TNK1: variants seen among roughly 807,000 people sequenced by gnomAD.
TNK1 encodes the protein tyrosine kinase non receptor 1.
A neutral mutation model predicts 65.2 loss-of-function variants in TNK1; 53 were observed. The ratio of observed to expected loss-of-function variants is 0.81; its 90% CI spans 0.65 to 1.02. TNK1 has a LOEUF of 1.02. Among genes scored for constraint, TNK1 ranks in the 50% least tolerant of loss-of-function variants. The probability of loss-of-function intolerance (pLI) is 0.00; values close to 1 mark genes in which losing one functional copy is unlikely to be tolerated. For synonymous variants in TNK1, 353 were observed against 364.6 expected, an observed-to-expected ratio of 0.97 and a Z score of 0.36; for missense variants, 837 against 878.4, an observed-to-expected ratio of 0.95 and a Z score of 0.60.
Position 7,388,860 on chromosome 17 carries a change from G to T in TNK1, c.1849G>T (p.Val617Phe). Residue 617 changes from valine to phenylalanine, a missense_variant, in exon 12 of 13, where the codon GTT becomes TTT. By Grantham distance (50) the Val-to-Phe change is conservative. Transcript: ENST00000688331. The surrounding 1 kb of genome is among the most constrained non-coding windows in gnomAD (Gnocchi z 4.5). ...ACTAGGAGCCACTGGGGGAGATGTG[G>T]TTTCTGCCATCCGGAACCTCAAGGT... Reference protein sequence around the residue: ...TALGATGGDVVSAIRNLKVDQ... With the variant: ...TALGATGGDVFSAIRNLKVDQ... The T allele has an allele frequency of 6.2e-7, 1 of 1,602,904 alleles. No individual in the cohort carries two copies. Among genetic ancestry groups the T allele is most frequent in the Non-Finnish European group, 8.5e-7 (1 of 1,174,794 alleles).
Position 7,384,533 on chromosome 17 carries a change from G to C in TNK1, c.916G>C (p.Val306Leu). The C allele has an allele frequency of 1.2e-6, 2 of 1,603,566 alleles. No individual in the cohort carries two copies. The highest frequency in any genetic ancestry group is 1.7e-6 in the Non-Finnish European group (2 of 1,173,178). The change falls in exon 7 of 13, where the codon GTG (valine) becomes CTG (leucine). Residue 306 changes from valine to leucine, a missense_variant. Physicochemically the swap from Val to Leu is conservative, Grantham distance 32. Coordinates refer to ENST00000688331, the MANE Select transcript of TNK1 (RefSeq NM_003985.6). ...CGGAGCCTTCTCGTCTGCCTCGGAC[G>C]TGTGGATGTTTGGGGTGACGCTGTG... ...RHGAFSSASDVWMFGVTLWEM... is the reference protein window; with the variant it reads ...RHGAFSSASDLWMFGVTLWEM...
chr17:7,385,690 G>A lies in TNK1; in HGVS notation c.1138-871G>A, dbSNP rs535924249. ...AGCAATTCTCCTGTTTCAGCCTCCC[G>A]AGTAGCTGGGATTACAGGCGCCTGC... On this transcript the variant is annotated intron_variant, in intron 7 of 12. Transcript: ENST00000688331. Among the ~76,000 whole-genome samples the A allele has an allele frequency of 5.1e-3, 776 of 152,034 alleles. 3 individuals carry two copies. Among genetic ancestry groups the A allele is most frequent in the Non-Finnish European group, 7.9e-3 (535 of 67,980 alleles).
At chr17:7,386,490 T>C (rs1905183855) in intron 7 of TNK1, 71 bp from the exon 8 acceptor site, 3 of 1,238,010 alleles carry the variant, frequency 2.4e-6, no homozygotes, top group South Asian at 2.6e-5. Flanking sequence ...AGCTCCTCTT[T>C]ATTCCTGCTC....
chr17:7,386,678 G>A lies in TNK1; in HGVS notation c.1232+23G>A, dbSNP rs1597683197. 6 of 1,548,366 alleles carry A rather than the reference G, an allele frequency of 3.9e-6. No homozygotes were observed. In the East Asian group the frequency reaches 1.2e-4, roughly 31 times the overall value. On this transcript the variant is annotated intron_variant, in intron 8 of 12. Transcript: ENST00000688331. Reference sequence around the variant, plus strand: ...CAGGTGACAGTCCCATACCTCCCAAGCACCCTCAGGAGGAGGATACCCTCC... The same window carrying A: ...CAGGTGACAGTCCCATACCTCCCAAACACCCTCAGGAGGAGGATACCCTCC...
chr17:7,384,875 G>A, intron 7 of TNK1, 121 bp downstream of exon 7: 1 of 1,333,246 alleles, frequency 7.5e-7, no homozygotes. Flanking sequence ...TCAGCTCTGA[G>A]CAAAACAGAT....
chr17:7,380,781 G>C (rs904720783), upstream of TNK1: 4 of 152,610 alleles, frequency 2.6e-5, no homozygotes, highest in African/African-American at 4.8e-5. Flanking sequence ...AGGATTTGGC[G>C]AGAGGGCATG....
chr17:7,384,839 T>C (rs1022646044), intron 7 of TNK1, 85 bp downstream of exon 7: 8 of 1,473,558 alleles, frequency 5.4e-6, no homozygotes, highest in Non-Finnish European at 7.2e-6. Flanking sequence ...CTAACACATC[T>C]AGATGTCTGT....
chr17:7,385,320 A>G (rs1237976199), intron 7 of TNK1, among the ~76,000 whole-genome samples: 4 of 149,862 alleles, frequency 2.7e-5, no homozygotes, highest in South Asian at 2.1e-4. Context: ...AGCCGAGATC[A>G]CACCATCGCA....
rs7223885 is a variant in TNK1 at position 7,384,766 on chromosome 17, C to T, written c.1137+12C>T. 0.11 allele frequency: 169,845 copies of T among 1,562,662 alleles called. 11,477 individuals carry two copies. Among genetic ancestry groups the T allele is most frequent in the East Asian group, 0.38 (16,076 of 42,188 alleles). ...GGCTGCTGCAAGAGGTGGGAACCCC[C>T]GACCTCACCAGATACACAGTCCCTC... On this transcript the variant is annotated intron_variant, in intron 7 of 12. Transcript: ENST00000688331.
chr17:7,386,430 G>A (rs1905181337), intron 7 of TNK1, 131 bp from the exon 8 acceptor site: 8 of 663,506 alleles, frequency 1.2e-5, no homozygotes, highest in Non-Finnish European at 1.1e-5. Flanking sequence ...TACAATGGGG[G>A]GACAGGGAGA....
chr17:7,380,337 G>A (rs372098823), upstream of TNK1, among the ~76,000 whole-genome samples: 10 of 152,292 alleles, frequency 6.6e-5, no homozygotes, highest in Middle Eastern at 3.4e-3. Context: ...TGAGAGAAGC[G>A]GAGACAAATG....
intron 4 of TNK1, 34 bp from the exon 5 acceptor site, chr17:7,383,675 C>A: frequency 6.2e-7 from 1 of 1,603,982 alleles, no homozygotes; most frequent in East Asian, 2.2e-5. Context: ...TCTTCATGCC[C>A]GCAATGCCTA....
chr17:7,388,884 GT>G lies in TNK1; in HGVS notation c.1872+2del. 1.3e-6 allele frequency: 2 copies of G among 1,589,178 alleles called. No homozygotes were observed. Among genetic ancestry groups the G allele is most frequent in the Non-Finnish European group, 1.7e-6 (2 of 1,167,686 alleles). Reference sequence around the variant, plus strand: ...GGTTTCTGCCATCCGGAACCTCAAGGTAAAGCCAGCCCCTTCTCTTGGGGTC... The same window carrying G: ...GGTTTCTGCCATCCGGAACCTCAAGGAAAGCCAGCCCCTTCTCTTGGGGTC... On this transcript the variant is annotated splice_donor_variant, in intron 12 of 12. Transcript: ENST00000688331. LOFTEE classifies it high-confidence loss of function. The surrounding 1 kb of genome is among the most constrained non-coding windows in gnomAD (Gnocchi z 4.5).
Position 7,384,007 on chromosome 17 carries a change from G to A in TNK1, c.620G>A (p.Arg207His), listed in dbSNP as rs757858999. The change falls in exon 6 of 13, where the codon CGC becomes CAC. Residue 207 changes from arginine (R) to histidine (H), a missense_variant. Arg to His is a conservative substitution (Grantham distance 29, BLOSUM62 0). Transcript: ENST00000688331. The stretch of plus-strand genomic sequence containing the variant: ...GCGCCACTGGGCTCCCTGCACGCGC[G>A]CCTAACGGCCCCGGCCCCGACACCC... ...ELAPLGSLHA[R>H]LTAPAPTPPL... 1.7e-5 allele frequency: 25 copies of A among 1,496,734 alleles called. No individual in the cohort carries two copies. Among genetic ancestry groups the A allele is most frequent in the Non-Finnish European group, 2.2e-5 (25 of 1,127,026 alleles). The allele number at this position is 1,496,734 out of a possible 1,614,324, so 92.7% of individuals were successfully genotyped here.
intron 8 of TNK1, 162 bp from the exon 9 acceptor site, chr17:7,386,828 A>G: frequency 5.2e-6 from 6 of 1,147,878 alleles, no homozygotes; most frequent in Non-Finnish European, 7.3e-6. Context: ...TGCTGGAGCC[A>G]CTGCTGGCCC....
chr17:7,383,648 C>A, intron 4 of TNK1, 32 bp downstream of exon 4: 1 of 1,595,082 alleles, frequency 6.3e-7, no homozygotes, highest in South Asian at 1.1e-5. Context: ...TTCATCCAGG[C>A]CAGCTGCCCC....
At position 7,382,340 on chromosome 17, in the gene TNK1, G is replaced by A. The variant is rs1217640179; in HGVS notation, c.-91-496G>A. Among the ~76,000 whole-genome samples, 1 of 151,998 alleles carries A rather than the reference G, an allele frequency of 6.6e-6. No homozygotes were observed. Among genetic ancestry groups the A allele is most frequent in the Non-Finnish European group, 1.5e-5 (1 of 68,002 alleles). ...GCAGTATATCTGTAGGTCTCAGTGT[G>A]TGTGTGTGGCAGCATGTGGGAGGCA... On this transcript the variant is annotated intron_variant, in intron 1 of 12. Coordinates refer to ENST00000688331, the MANE Select transcript of TNK1 (RefSeq NM_003985.6). This position sits in a 1 kb window ranked among gnomAD's most constrained non-coding sequence, Gnocchi z 4.1.
chr17:7,381,711 A>G (rs1904822149), intron 1 of TNK1, among the ~76,000 whole-genome samples: 1 of 152,216 alleles, frequency 6.6e-6, no homozygotes, highest in Non-Finnish European at 1.5e-5. Context: ...AGAGGCAATG[A>G]CTGTGGACCT....
Position 7,388,955 on chromosome 17 carries a change from C to T in TNK1, c.1873-16C>T, listed in dbSNP as rs1029500096. On this transcript the variant is annotated splice_polypyrimidine_tract_variant and intron_variant, in intron 12 of 12. Transcript: ENST00000688331. The surrounding 1 kb of genome is among the most constrained non-coding windows in gnomAD (Gnocchi z 4.5). ...CGCCTGGCAGTCAGCTGCAACCCAC[C>T]CTCCTGCTTCCACAGGTAGATCAGC... The T allele has an allele frequency of 1.9e-6, 3 of 1,554,216 alleles. No individual in the cohort carries two copies. The highest frequency in any genetic ancestry group is 2.6e-6 in the Non-Finnish European group (3 of 1,148,212).
Sources: allele counts gnomAD v4.1 joint callset (sites outside exome capture counted in the v4.1 genomes callset), GRCh38; gene constraint gnomAD v4.1.1; non-coding constraint Gnocchi (gnomAD v3.1); transcripts MANE v1.5; gene names NCBI Gene and HGNC (gene_info 2026-07-23, HGNC 2026-07-21).